Variants in CACNA1D observed in about 807,000 individuals in gnomAD.
CACNA1D encodes the protein voltage-dependent L-type calcium channel subunit alpha-1D.
In CACNA1D, 55 loss-of-function variants were observed where a neutral mutation model predicts 257.1. The ratio of observed to expected loss-of-function variants is 0.21; its 90% CI spans 0.17 to 0.27. The LOEUF (loss-of-function observed/expected upper bound fraction) is 0.27. CACNA1D is among the 10% of genes least tolerant of loss of function. The probability of loss-of-function intolerance (pLI) is 1.00; values close to 1 mark genes in which losing one functional copy is unlikely to be tolerated. For synonymous variants in CACNA1D, 980 were observed against 1,014.9 expected (o/e 0.97, Z 0.65); for missense variants, 1,876 against 2,784.0 (o/e 0.67, Z 7.34).
intron 3 of CACNA1D, among the ~76,000 whole-genome samples, chr3:53,542,626 T>C (rs2092322653): frequency 1.3e-5 from 2 of 151,582 alleles, no homozygotes; most frequent in South Asian, 4.2e-4. Context: ...TCAAGAATTC[T>C]CAGGTCTGGA....
chr3:53,620,671 T>TTCCACA (rs1270225666), intron 3 of CACNA1D, among the ~76,000 whole-genome samples: 3 of 152,262 alleles, frequency 2.0e-5, no homozygotes, highest in African/African-American at 7.2e-5. Context: ...GGAACATCTC[T>TTCCACA]TCCAGTTGAG....
intron 3 of CACNA1D, among the ~76,000 whole-genome samples, chr3:53,540,131 A>G (rs896629531): frequency 3.0e-5 from 4 of 132,356 alleles, no homozygotes; most frequent in Admixed American, 2.2e-4. Context: ...TTGTTTATTT[A>G]TTTTTGAGAC....
intron 39 of CACNA1D, among the ~76,000 whole-genome samples, chr3:53,784,091 T>C (rs2095440269): frequency 6.6e-6 from 1 of 152,228 alleles, no homozygotes; most frequent in African/African-American, 2.4e-5. Flanking sequence ...GAATGAGCTG[T>C]GGATCTGTGG....
Position 53,666,343 on chromosome 3 carries a change from C to T in CACNA1D, c.924C>T (p.Ile308=), listed in dbSNP as rs753132052. 31 of 1,613,304 alleles carry T rather than the reference C, an allele frequency of 1.9e-5. No homozygotes were observed. The highest frequency in any genetic ancestry group is 1.8e-4 in the Admixed American group (11 of 59,994). Residue 308 remains isoleucine, a synonymous_variant, in exon 7 of 48, where the codon ATC becomes ATT. Coordinates refer to ENST00000350061, the MANE Select transcript of CACNA1D (RefSeq NM_001128840.3). ...GCCTGTTTGCTCTGTTTGCAGATATCGTAGCTGAAGAGGACCCAGCTCCAT... is the reference window on the plus strand; with the variant it reads ...GCCTGTTTGCTCTGTTTGCAGATATTGTAGCTGAAGAGGACCCAGCTCCAT... ...HKTCFFADSD[I]VAEEDPAPCA...
rs267599902 is a variant in CACNA1D at position 53,726,959 on chromosome 3, C to G, written c.2181C>G (p.Ile727Met). 1 of 1,614,082 alleles carries G rather than the reference C, an allele frequency of 6.2e-7. No individual in the cohort carries two copies. Among genetic ancestry groups the G allele is most frequent in the African/African-American group, 1.3e-5 (1 of 75,060 alleles). Residue 727 changes from isoleucine (I) to methionine (M), a missense_variant, in exon 15 of 48, where the codon ATC becomes ATG. Physicochemically the swap from Ile to Met is conservative, Grantham distance 10. Coordinates refer to ENST00000350061, the MANE Select transcript of CACNA1D (RefSeq NM_001128840.3). Reference protein sequence around the residue: ...AYGGPSSSGMIVCIYFIILFI... With the variant: ...AYGGPSSSGMMVCIYFIILFI... The stretch of plus-strand genomic sequence containing the variant: ...GGGGCCCATCCTCTTCAGGAATGAT[C>G]GTCTGCATCTACTTCATCATCCTCT...
At chr3:53,551,425 T>C (rs1218521282) in intron 3 of CACNA1D, among the ~76,000 whole-genome samples, 1 of 152,228 alleles carries the variant, frequency 6.6e-6, no homozygotes, top group Non-Finnish European at 1.5e-5. Flanking sequence ...CAGACTGACT[T>C]GAGCCACAGG....
At chr3:53,710,435 A>G (rs193116418) in intron 9 of CACNA1D, 602 of 456,734 alleles carry the variant, frequency 1.3e-3, no homozygotes, top group Non-Finnish European at 1.9e-3. Flanking sequence ...ATAAGAAGAA[A>G]AAGAAGTTTT....
At chr3:53,557,677 G>C (rs1208731474) in intron 3 of CACNA1D, among the ~76,000 whole-genome samples, 3 of 152,056 alleles carry the variant, frequency 2.0e-5, no homozygotes, top group Non-Finnish European at 4.4e-5. Flanking sequence ...AAATCACTTG[G>C]CCATACTTGA....
intron 5 of CACNA1D, among the ~76,000 whole-genome samples, chr3:53,661,376 G>T (rs976980857): frequency 6.6e-6 from 1 of 152,170 alleles, no homozygotes; most frequent in African/African-American, 2.4e-5. Flanking sequence ...GTAGGAAGTG[G>T]TGTTTTATGT....
At position 53,758,829 on chromosome 3, in the gene CACNA1D, G is replaced by A. The variant is rs527413110; in HGVS notation, c.3787-3169G>A. On this transcript the variant is annotated intron_variant, in intron 29 of 47. Coordinates refer to ENST00000350061, the MANE Select transcript of CACNA1D (RefSeq NM_001128840.3). The stretch of plus-strand genomic sequence containing the variant: ...ATAGGCCAAGAGGAGAGAGCAGGGA[G>A]AGGGGCCCTCTGTTAGGAGCCGTGT... Among the ~76,000 whole-genome samples, 16 of 152,292 alleles carry A rather than the reference G, an allele frequency of 1.1e-4. 1 individual carries two copies. Among genetic ancestry groups the A allele is most frequent in the African/African-American group, 3.8e-4 (16 of 41,566 alleles).
At chr3:53,584,925 A>G (rs537061627) in intron 3 of CACNA1D, among the ~76,000 whole-genome samples, 13 of 152,016 alleles carry the variant, frequency 8.6e-5, no homozygotes, top group East Asian at 1.9e-4. Flanking sequence ...GAAAAATACA[A>G]TGTCTCAATA....
intron 3 of CACNA1D, among the ~76,000 whole-genome samples, chr3:53,622,924 C>T (rs185057074): frequency 1.2e-3 from 176 of 150,626 alleles, no homozygotes; most frequent in Admixed American, 1.9e-3. Flanking sequence ...GAGTCTTGCT[C>T]TGTCACCCAG....
At chr3:53,636,030 G>A (rs1451784071) in intron 3 of CACNA1D, among the ~76,000 whole-genome samples, 1 of 152,144 alleles carries the variant, frequency 6.6e-6, no homozygotes, top group African/African-American at 2.4e-5. Flanking sequence ...CTTCTTGGGT[G>A]TCTGGCTCTG....
chr3:53,727,041 T>C (rs2094942118), intron 15 of CACNA1D, 42 bp downstream of exon 15: 2 of 1,613,172 alleles, frequency 1.2e-6, no homozygotes. Context: ...GCCGTCGTTA[T>C]CTGGTTTTGT....
chr3:53,702,515 T>G (rs933804062), intron 8 of CACNA1D, 126 bp from the exon 9 acceptor site: 9 of 860,500 alleles, frequency 1.0e-5, no homozygotes, highest in Admixed American at 1.9e-5. Context: ...TCCATTGCTG[T>G]GCTCATGTGA....
chr3:53,530,292 A>G (rs1286692391), intron 3 of CACNA1D: 3 of 152,146 alleles, frequency 2.0e-5, no homozygotes, highest in Non-Finnish European at 4.4e-5. Flanking sequence ...TACAGGGAAA[A>G]AGGGAATCAT....
intron 3 of CACNA1D, among the ~76,000 whole-genome samples, chr3:53,588,525 A>G (rs559440916): frequency 6.6e-6 from 1 of 152,212 alleles, no homozygotes; most frequent in Non-Finnish European, 1.5e-5. Context: ...CCCAGAGGTT[A>G]TGGAAGGAAA....
At chr3:53,582,263 T>A (rs959593140) in intron 3 of CACNA1D, among the ~76,000 whole-genome samples, 1 of 152,138 alleles carries the variant, frequency 6.6e-6, no homozygotes, top group Non-Finnish European at 1.5e-5. Flanking sequence ...ATGTTTACAG[T>A]CCTCAACTAG....
At chr3:53,659,997 C>G in intron 4 of CACNA1D, 136 bp from the exon 5 acceptor site, 5 of 720,920 alleles carry the variant, frequency 6.9e-6, no homozygotes, top group Non-Finnish European at 2.3e-6. Context: ...CAGCCCAGTT[C>G]TTGTCTTTGT....
Sources: allele counts gnomAD v4.1 joint callset (sites outside exome capture counted in the v4.1 genomes callset), GRCh38; gene constraint gnomAD v4.1.1; transcripts MANE v1.5; gene names NCBI Gene and HGNC (gene_info 2026-07-23, HGNC 2026-07-21).